Variants in TMEM255B observed in about 807,000 individuals in gnomAD.
TMEM255B encodes transmembrane protein 255B.
TMEM255B carries 35 observed loss-of-function variants against 34.5 expected under a neutral mutation model. That is an observed-to-expected ratio of 1.01 (90% CI 0.77 to 1.34). TMEM255B has a LOEUF of 1.34. Ranked by LOEUF, TMEM255B falls within the 40% of genes most tolerant of loss-of-function variation. TMEM255B has a pLI of 0.00. For missense variants in TMEM255B, 432 were observed against 433.2 expected, an observed-to-expected ratio of 1.00 and a Z score of 0.02; for synonymous variants, 206 against 201.2, an observed-to-expected ratio of 1.02 and a Z score of -0.20.
chr13:113,807,383 G>GGCGCAGGGGCAGA (rs2051195934), intron 8 of TMEM255B, among the ~76,000 whole-genome samples: 1 of 146,340 alleles, frequency 6.8e-6, no homozygotes. Flanking sequence ...GGATGTGGGG[G>GGCGCAGGGGCAGA]TGGTCCTCCC....
intron 3 of TMEM255B, among the ~76,000 whole-genome samples, chr13:113,780,734 T>C (rs2050654385): frequency 6.6e-6 from 1 of 152,208 alleles, no homozygotes; most frequent in Admixed American, 6.5e-5. Context: ...GGTAAAACTT[T>C]ATAGCTGATT....
intron 1 of TMEM255B, among the ~76,000 whole-genome samples, chr13:113,762,016 C>T (rs1257390485): frequency 2.0e-5 from 3 of 151,940 alleles, no homozygotes; most frequent in African/African-American, 7.3e-5. Flanking sequence ...GCAATAGAAA[C>T]CTATTGGTAG....
Position 113,769,256 on chromosome 13 carries a change from C to T in TMEM255B, c.252+96C>T. 1.5e-6 allele frequency: 2 copies of T among 1,368,108 alleles called. No homozygotes were observed. The highest frequency in any genetic ancestry group is 1.2e-5 in the South Asian group (1 of 84,586). The allele number at this position is 1,368,108 out of a possible 1,614,324, so 84.7% of individuals were successfully genotyped here. A position where few individuals can be genotyped will look rare whatever the true frequency, so the allele number is the denominator to read the frequency against. On this transcript the variant is annotated intron_variant, in intron 3 of 8. Transcript: ENST00000375353. The surrounding 1 kb of genome is among the most constrained non-coding windows in gnomAD (Gnocchi z 4.2). ...CTGAGAAGAGTCAGCCCTGCCTCCC[C>T]AGCACACTGGTGTCTACAGGACCAG...
At chr13:113,777,796 G>A (rs2050603793) in intron 3 of TMEM255B, among the ~76,000 whole-genome samples, 1 of 152,250 alleles carries the variant, frequency 6.6e-6, no homozygotes, top group Admixed American at 6.5e-5. Context: ...GTGCAGCCTG[G>A]GCGGCCTCAG....
At chr13:113,775,392 C>T (rs1459207727) in intron 3 of TMEM255B, among the ~76,000 whole-genome samples, 3 of 152,362 alleles carry the variant, frequency 2.0e-5, no homozygotes, top group African/African-American at 7.2e-5. Context: ...CCTGGGGCGT[C>T]GGGCCCCGCA....
chr13:113,809,765 C>T (rs2051265868), intron 8 of TMEM255B, among the ~76,000 whole-genome samples: 2 of 152,084 alleles, frequency 1.3e-5, no homozygotes, highest in South Asian at 2.1e-4. Context: ...TGGGGTTTAT[C>T]TGTGGTCCTG....
At chr13:113,767,365 G>A (rs1318975382) in intron 2 of TMEM255B, among the ~76,000 whole-genome samples, 6 of 152,250 alleles carry the variant, frequency 3.9e-5, no homozygotes, top group Non-Finnish European at 2.9e-5. Flanking sequence ...CAATGGTGTG[G>A]GGACCTTGGC....
chr13:113,794,272 G>A (rs1353251972), intron 3 of TMEM255B, among the ~76,000 whole-genome samples: 2 of 152,126 alleles, frequency 1.3e-5, no homozygotes, highest in Admixed American at 1.3e-4. Flanking sequence ...GAGTCTGGAC[G>A]AGCACCCACG....
At chr13:113,804,747 G>C (rs907747803) in intron 7 of TMEM255B, 138 bp from the exon 8 acceptor site, 153 of 595,352 alleles carry the variant, frequency 2.6e-4, no homozygotes, top group Non-Finnish European at 1.1e-4. Context: ...TCCAGCCTGG[G>C]TATAAACGCA....
At chr13:113,775,103 CACA>C (rs1407398738) in intron 3 of TMEM255B, among the ~76,000 whole-genome samples, 1 of 150,570 alleles carries the variant, frequency 6.6e-6, no homozygotes, top group Non-Finnish European at 1.5e-5. Context: ...ACACACAGCA[CACA>C]ACACACACTC....
chr13:113,764,476 G>A lies in TMEM255B; in HGVS notation c.47-1639G>A, dbSNP rs548604632. 3.4e-4 allele frequency among the ~76,000 whole-genome samples: 52 copies of A among 152,264 alleles called. No homozygotes were observed. The South Asian group carries it at 5.4e-3, about 16-fold the overall frequency. ...TCAGGAGGGTGGCTTTCAGAAGGAG[G>A]GCCTCACTCCACACCAGTGGTGCTG... On this transcript the variant is annotated intron_variant, in intron 1 of 8. Coordinates refer to ENST00000375353, the MANE Select transcript of TMEM255B (RefSeq NM_182614.4).
intron 3 of TMEM255B, among the ~76,000 whole-genome samples, chr13:113,790,678 T>A (rs9635147): frequency 4.6e-5 from 6 of 129,168 alleles, no homozygotes; most frequent in East Asian, 5.3e-4. Flanking sequence ...ATCCTAGCAC[T>A]GAACTGACTG....
chr13:113,810,320 T>C (rs2051274520), intron 8 of TMEM255B, among the ~76,000 whole-genome samples: 1 of 152,148 alleles, frequency 6.6e-6, no homozygotes, highest in South Asian at 2.1e-4. Context: ...AAAATTTGAT[T>C]AGAAGTTCCC....
At chr13:113,764,690 A>G (rs1437367351) in intron 1 of TMEM255B, among the ~76,000 whole-genome samples, 2 of 152,182 alleles carry the variant, frequency 1.3e-5, no homozygotes, top group East Asian at 3.9e-4. Context: ...TGCCTCTCAC[A>G]TGCGAGGATG....
chr13:113,799,916 G>C (rs908925953), intron 5 of TMEM255B: 1 of 1,269,938 alleles, frequency 7.9e-7, no homozygotes, highest in African/African-American at 1.5e-5. Flanking sequence ...TGTGTGTCTC[G>C]CACCTGCCCT....
At chr13:113,777,965 G>T (rs1408700913) in intron 3 of TMEM255B, among the ~76,000 whole-genome samples, 7 of 152,224 alleles carry the variant, frequency 4.6e-5, no homozygotes, top group Non-Finnish European at 1.0e-4. Flanking sequence ...CTGGACGACT[G>T]TGGACCGGTC....
chr13:113,815,707 CCT>C lies in TMEM255B; in HGVS notation c.*3807_*3808del, dbSNP rs1379883287. On this transcript the variant is annotated 3_prime_UTR_variant, in exon 9 of 9. Transcript: ENST00000375353. ...ATGTGCAATTGTAAGTCCCGTTAAA[CCT>C]CTTTTTTTCCCAGTCTCGGGTATGT... 2 of 152,646 alleles carry C rather than the reference CCT, an allele frequency of 1.3e-5. No individual in the cohort carries two copies. Among genetic ancestry groups the C allele is most frequent in the African/African-American group, 4.8e-5 (2 of 41,458 alleles). The allele number at this position is 152,646 out of a possible 1,614,324, so 9.5% of individuals were successfully genotyped here. A position where few individuals can be genotyped will look rare whatever the true frequency, so the allele number is the denominator to read the frequency against.
At chr13:113,793,230 TGGGAG>T (rs2050861286) in intron 3 of TMEM255B, among the ~76,000 whole-genome samples, 1 of 152,216 alleles carries the variant, frequency 6.6e-6, no homozygotes, top group East Asian at 1.9e-4. Flanking sequence ...GCACAGCCAC[TGGGAG>T]ACAGAGCTCA....
At chr13:113,759,461 T>G in intron 1 of TMEM255B, 146 bp downstream of exon 1, 2 of 734,328 alleles carry the variant, frequency 2.7e-6, no homozygotes, top group Non-Finnish European at 3.7e-6. Flanking sequence ...CTTCGAGCTC[T>G]GTCTTTGGAA....
Sources: gnomAD v4.1 joint callset for allele counts (sites outside exome capture counted in the v4.1 genomes callset) on GRCh38, gnomAD v4.1.1 for gene constraint, Gnocchi (gnomAD v3.1) non-coding constraint, MANE v1.5 for transcripts, NCBI Gene and HGNC (gene_info 2026-07-23, HGNC 2026-07-21) for gene names.